PCDHGB3: variants seen among roughly 807,000 people sequenced by gnomAD.
PCDHGB3 encodes protocadherin gamma-B3.
A neutral mutation model predicts 59.2 loss-of-function variants in PCDHGB3; 40 were observed. That is an observed-to-expected ratio of 0.68 (90% CI 0.52 to 0.88). The LOEUF (loss-of-function observed/expected upper bound fraction) is 0.88. Ranked by LOEUF, PCDHGB3 falls within the 40% of genes least tolerant of loss-of-function variation. PCDHGB3 has a pLI of 0.00. For missense variants in PCDHGB3, 1,309 were observed against 1,187.9 expected (o/e 1.10, Z -1.50); for synonymous variants, 581 against 503.6 (o/e 1.15, Z -2.06).
At chr5:141,391,211 A>C (rs2092317474) in intron 1 of PCDHGB3, 1 of 152,220 alleles carries the variant, frequency 6.6e-6, no homozygotes, top group African/African-American at 2.4e-5. Flanking sequence ...AATACCAAGG[A>C]ACATTATATG....
intron 1 of PCDHGB3, chr5:141,402,829 T>C: frequency 7.5e-7 from 1 of 1,342,036 alleles, no homozygotes; most frequent in Non-Finnish European, 9.8e-7. Flanking sequence ...GCTCCCAGGC[T>C]GCAGCAAAAC....
intron 1 of PCDHGB3, among the ~76,000 whole-genome samples, chr5:141,484,819 G>A (rs2099601374): frequency 1.3e-5 from 2 of 152,122 alleles, no homozygotes; most frequent in Admixed American, 1.3e-4. Flanking sequence ...GCCGTTGAGC[G>A]GGAGGAAGGC....
Position 141,372,656 on chromosome 5 carries a change from G to T in PCDHGB3, c.2262G>T (p.Pro754=). The T allele has an allele frequency of 6.2e-7, 1 of 1,613,956 alleles. No homozygotes were observed. Among genetic ancestry groups the T allele is most frequent in the Non-Finnish European group, 8.5e-7 (1 of 1,179,852 alleles). Residue 754 remains proline (P), a synonymous_variant, in exon 1 of 4, where the codon CCG becomes CCT. Coordinates refer to ENST00000576222, the MANE Select transcript of PCDHGB3 (RefSeq NM_018924.5). ...GGACTTTGCCTTATTCCTACAATCC[G>T]TGTGCTGCCTCACATTCCTCAAACA... is the stretch of plus-strand genomic sequence containing the variant. The part of the protein sequence containing the change: ...SERTLPYSYN[P]CAASHSSNTE...
At chr5:141,418,878 A>G (rs1193526475) in intron 1 of PCDHGB3, 2 of 1,613,930 alleles carry the variant, frequency 1.2e-6, no homozygotes, top group Non-Finnish European at 8.5e-7. Context: ...GTTGTAGACG[A>G]AAACGACAAC....
chr5:141,490,485 G>A lies in PCDHGB3; in HGVS notation c.2416-4322G>A. 3 of 1,614,202 alleles carry A rather than the reference G, an allele frequency of 1.9e-6. No individual in the cohort carries two copies. Among genetic ancestry groups the A allele is most frequent in the Middle Eastern group, 3.3e-4 (2 of 6,062 alleles). On this transcript the variant is annotated intron_variant, in intron 1 of 3. Coordinates refer to ENST00000576222, the MANE Select transcript of PCDHGB3 (RefSeq NM_018924.5). This position sits in a 1 kb window ranked among gnomAD's most constrained non-coding sequence, Gnocchi z 5.4. ...TAACCAGCCAGCCTTTGGACCGGGA[G>A]GCCACATCCCACTATATCATCGAGC... is the stretch of plus-strand genomic sequence containing the variant.
chr5:141,393,622 A>C (rs776047060), intron 1 of PCDHGB3: 1 of 1,613,960 alleles, frequency 6.2e-7, no homozygotes, highest in Admixed American at 1.7e-5. Context: ...AGCGACCCGG[A>C]TGAGGGAATC....
At chr5:141,404,762 C>T (rs1466259455) in intron 1 of PCDHGB3, 1 of 1,613,828 alleles carries the variant, frequency 6.2e-7, no homozygotes, top group East Asian at 2.2e-5. Flanking sequence ...GAATGCTTGG[C>T]TCTCCTACCG....
rs778819723 is a variant in PCDHGB3 at position 141,398,637 on chromosome 5, T to C, written c.2415+25828T>C. 1.9e-6 allele frequency: 3 copies of C among 1,613,908 alleles called. No homozygotes were observed. The African/African-American group carries it at 4.0e-5, about 22-fold the overall frequency. On this transcript the variant is annotated intron_variant, in intron 1 of 3. Transcript: ENST00000576222. ...TTGGCTTAAACTCTCTGCAGAAGTATAAACTCTCTCTTAACCCAAGTTTCT... is the reference window on the plus strand; with the variant it reads ...TTGGCTTAAACTCTCTGCAGAAGTACAAACTCTCTCTTAACCCAAGTTTCT...
chr5:141,409,751 C>T, intron 1 of PCDHGB3: 1 of 1,613,000 alleles, frequency 6.2e-7, no homozygotes, highest in Non-Finnish European at 8.5e-7. Flanking sequence ...GGTGTTCGCG[C>T]AGCGCGCCTT....
intron 1 of PCDHGB3, chr5:141,410,052 T>C: frequency 6.2e-7 from 1 of 1,613,122 alleles, no homozygotes; most frequent in Non-Finnish European, 8.5e-7. Context: ...CCCGGACTCT[T>C]CAGCCTGGGG....
chr5:141,389,875 A>G (rs753159908), intron 1 of PCDHGB3: 2 of 1,613,946 alleles, frequency 1.2e-6, no homozygotes, highest in African/African-American at 2.7e-5. Flanking sequence ...GTCTTCGCCG[A>G]CAGCTTGCAG....
rs769249726 is a variant in PCDHGB3 at position 141,490,832 on chromosome 5, A to C, written c.2416-3975A>C. On this transcript the variant is annotated intron_variant, in intron 1 of 3. Transcript: ENST00000576222. This position sits in a 1 kb window ranked among gnomAD's most constrained non-coding sequence, Gnocchi z 5.4. Reference sequence around the variant, plus strand: ...GACTATGAATTGCTGCAGATGCTGCAGATTGTGGTGGGGGTTCGAGACTCC... The same window carrying C: ...GACTATGAATTGCTGCAGATGCTGCCGATTGTGGTGGGGGTTCGAGACTCC... 1.5e-5 allele frequency: 25 copies of C among 1,613,796 alleles called. No individual in the cohort carries two copies. In the South Asian group the frequency reaches 2.6e-4, roughly 17 times the overall value.
rs1297213443 is a variant in PCDHGB3 at position 141,384,466 on chromosome 5, G to A, written c.2415+11657G>A. Reference sequence around the variant, plus strand: ...GTACGCGCTGCAATCCTTTGATTATGAGCAGTTGAGAGAACTACAACTAAG... The same window carrying A: ...GTACGCGCTGCAATCCTTTGATTATAAGCAGTTGAGAGAACTACAACTAAG... On this transcript the variant is annotated intron_variant, in intron 1 of 3. Coordinates refer to ENST00000576222, the MANE Select transcript of PCDHGB3 (RefSeq NM_018924.5). 3 of 1,613,996 alleles carry A rather than the reference G, an allele frequency of 1.9e-6. No individual in the cohort carries two copies. The African/African-American group carries it at 4.0e-5, about 22-fold the overall frequency.
In PCDHGB3 at chr5:141,476,101, A is replaced by G; in HGVS notation, c.2416-18706A>G. The G allele has an allele frequency of 6.3e-7, 1 of 1,576,386 alleles. No individual in the cohort carries two copies. Among genetic ancestry groups the G allele is most frequent in the East Asian group, 2.2e-5 (1 of 44,540 alleles). On this transcript the variant is annotated intron_variant, in intron 1 of 3. Coordinates refer to ENST00000576222, the MANE Select transcript of PCDHGB3 (RefSeq NM_018924.5). This position sits in a 1 kb window ranked among gnomAD's most constrained non-coding sequence, Gnocchi z 7.6. ...GACGATCTGGACCCCGCTGAGAGGA[A>G]CTGCTTTTGAGTGAGATGGTCCCAG... is the stretch of plus-strand genomic sequence containing the variant.
Position 141,486,369 on chromosome 5 carries a change from C to A in PCDHGB3, c.2416-8438C>A. On this transcript the variant is annotated intron_variant, in intron 1 of 3. Coordinates refer to ENST00000576222, the MANE Select transcript of PCDHGB3 (RefSeq NM_018924.5). This position sits in a 1 kb window ranked among gnomAD's most constrained non-coding sequence, Gnocchi z 5.0. ...GACCACTTGCCATTTGCCCTCAAGT[C>A]TGCCTTCAGGAACCAGTTCTCCCTG... 6.2e-7 allele frequency: 1 copy of A among 1,614,128 alleles called. No individual in the cohort carries two copies. Among genetic ancestry groups the A allele is most frequent in the African/African-American group, 1.3e-5 (1 of 75,048 alleles).
chr5:141,423,806 T>C (rs2096783171), intron 1 of PCDHGB3: 1 of 1,251,576 alleles, frequency 8.0e-7, no homozygotes, highest in Non-Finnish European at 1.0e-6. Flanking sequence ...GCAATACATG[T>C]GAGTTTTACT....
In PCDHGB3 at chr5:141,431,430, G is replaced by A; in HGVS notation, c.2415+58621G>A. ...GACGGGGGCGACCCGGTGCGCACAG[G>A]CACCGCGCGCATCCGCGTGATGGTT... is the stretch of plus-strand genomic sequence containing the variant. On this transcript the variant is annotated intron_variant, in intron 1 of 3. Coordinates refer to ENST00000576222, the MANE Select transcript of PCDHGB3 (RefSeq NM_018924.5). The surrounding 1 kb of genome is among the most constrained non-coding windows in gnomAD (Gnocchi z 4.8). 1 of 1,613,680 alleles carries A rather than the reference G, an allele frequency of 6.2e-7. No individual in the cohort carries two copies. The highest frequency in any genetic ancestry group is 8.5e-7 in the Non-Finnish European group (1 of 1,180,018).
At chr5:141,444,471 G>A (rs929365899) in intron 1 of PCDHGB3, among the ~76,000 whole-genome samples, 1 of 151,876 alleles carries the variant, frequency 6.6e-6, no homozygotes, top group Non-Finnish European at 1.5e-5. Flanking sequence ...GCGCCCGGTC[G>A]CGTACTGGAT....
rs778586702 is a variant in PCDHGB3, at chr5:141,404,963, A to G, written c.2415+32154A>G. 8.7e-6 allele frequency: 14 copies of G among 1,613,744 alleles called. No homozygotes were observed. In the South Asian group the frequency reaches 1.5e-4, roughly 18 times the overall value. ...AGCCATAGCTGACAGCATCCCAGAC[A>G]TCCTGGCTGACCTGGGCAGTCTTCA... On this transcript the variant is annotated intron_variant, in intron 1 of 3. Transcript: ENST00000576222.
Sources: allele counts gnomAD v4.1 joint callset (sites outside exome capture counted in the v4.1 genomes callset), GRCh38; gene constraint gnomAD v4.1.1; non-coding constraint Gnocchi (gnomAD v3.1); transcripts MANE v1.5; gene names NCBI Gene and HGNC (gene_info 2026-07-23, HGNC 2026-07-21).